Variants in PDIA4 observed in about 807,000 individuals in gnomAD.
PDIA4 encodes protein disulfide isomerase family A member 4, also known as protein disulfide-isomerase A4.
PDIA4 carries 33 observed loss-of-function variants against 62.1 expected under a neutral mutation model. The ratio of observed to expected loss-of-function variants is 0.53; its 90% CI spans 0.40 to 0.71. The LOEUF (loss-of-function observed/expected upper bound fraction) is 0.71, where lower values mean the gene tolerates loss of function less well. PDIA4 is among the 30% of genes least tolerant of loss of function. PDIA4 has a pLI of 0.00. For missense variants in PDIA4, 804 were observed against 813.6 expected, an observed-to-expected ratio of 0.99 and a Z score of 0.14; for synonymous variants, 341 against 324.1, an observed-to-expected ratio of 1.05 and a Z score of -0.56.
intron 6 of PDIA4, among the ~76,000 whole-genome samples, chr7:149,010,007 G>A (rs1823891168): frequency 1.3e-5 from 2 of 152,226 alleles, no homozygotes; most frequent in South Asian, 4.1e-4. Flanking sequence ...ACATGTGGCT[G>A]AGATGGTAAA....
chr7:149,018,667 A>G (rs1824230439), intron 3 of PDIA4, among the ~76,000 whole-genome samples: 1 of 152,088 alleles, frequency 6.6e-6, no homozygotes, highest in Non-Finnish European at 1.5e-5. Context: ...CCTGACCTAA[A>G]GTGATCCAGC....
In PDIA4 at chr7:149,003,862, G is replaced by A; in HGVS notation, c.1870C>T (p.Leu624=). Residue 624 remains leucine (L), a synonymous_variant, in exon 10 of 10, where the codon CTG becomes TTG. Transcript: ENST00000652332. ...TCTATAAACTTGCTCAAATGCTCCAGATCTCTGTCTCCACCCTCAAATTTA... is the reference window on the plus strand; with the variant it reads ...TCTATAAACTTGCTCAAATGCTCCAAATCTCTGTCTCCACCCTCAAATTTA... ...PVKFEGGDRD[L]EHLSKFIEEH... 6.2e-7 allele frequency: 1 copy of A among 1,610,044 alleles called. No homozygotes were observed. Among genetic ancestry groups the A allele is most frequent in the Middle Eastern group, 1.7e-4 (1 of 6,032 alleles).
At position 149,003,732 on chromosome 7, in the gene PDIA4, CGCCCCGACCAT is replaced by C; in HGVS notation, c.*51_*61del. The C allele has an allele frequency of 1.5e-6, 2 of 1,327,370 alleles. No homozygotes were observed. The highest frequency in any genetic ancestry group is 3.0e-5 in the African/African-American group (2 of 66,296). The allele number at this position is 1,327,370 out of a possible 1,614,324, so 82.2% of individuals were successfully genotyped here. A position where few individuals can be genotyped will look rare whatever the true frequency, so the allele number is the denominator to read the frequency against. Reference sequence around the variant, plus strand: ...CGTTTGTTGCCGGCCTCGGCGTGGACGCCCCGACCATGGGCCACGCAGGGCGTCTGCCTCCT... The same window carrying C: ...CGTTTGTTGCCGGCCTCGGCGTGGACGGGCCACGCAGGGCGTCTGCCTCCT... On this transcript the variant is annotated 3_prime_UTR_variant, in exon 10 of 10. Transcript: ENST00000652332.
rs146862320 is a variant in PDIA4 at position 149,003,077 on chromosome 7, G to A, written c.*717C>T. 407 of 169,424 alleles carry A rather than the reference G, an allele frequency of 2.4e-3. 2 individuals are homozygous for A. Among genetic ancestry groups the A allele is most frequent in the African/African-American group, 8.9e-3 (372 of 41,666 alleles). The allele number at this position is 169,424 out of a possible 1,614,324, so 10.5% of individuals were successfully genotyped here. ...AACGCAGTTCTTAACGTTTTTAATC[G>A]TGTTTTATTCCATTGCCACAGCCTA... On this transcript the variant is annotated 3_prime_UTR_variant, in exon 10 of 10. Coordinates refer to ENST00000652332, the MANE Select transcript of PDIA4 (RefSeq NM_004911.5).
intron 6 of PDIA4, among the ~76,000 whole-genome samples, chr7:149,010,527 TG>T (rs1455334364): frequency 6.6e-6 from 1 of 152,128 alleles, no homozygotes; most frequent in East Asian, 1.9e-4. Context: ...GCTATCTAGA[TG>T]GCGCCTGTTT....
chr7:149,012,332 C>CG lies in PDIA4; in HGVS notation c.642dup (p.Glu215ArgfsTer3), dbSNP rs1563121090. ...AGCTCCTTGGCGGCCTTCTCATACT[C>CG]GGGGGCAAGTTTCTTGCAGTGTCCA... is the stretch of plus-strand genomic sequence containing the variant. On this transcript the variant is annotated frameshift_variant, in exon 5 of 10. Coordinates refer to ENST00000652332, the MANE Select transcript of PDIA4 (RefSeq NM_004911.5). LOFTEE classifies it high-confidence loss of function. 1.2e-6 allele frequency: 2 copies of CG among 1,613,580 alleles called. No individual in the cohort carries two copies. Among genetic ancestry groups the CG allele is most frequent in the Non-Finnish European group, 1.7e-6 (2 of 1,180,004 alleles).
At chr7:149,014,513 TCTGA>T (rs1464346241) in intron 4 of PDIA4, among the ~76,000 whole-genome samples, 1 of 152,086 alleles carries the variant, frequency 6.6e-6, no homozygotes, top group Non-Finnish European at 1.5e-5. Context: ...TGCTCTCTAC[TCTGA>T]CTGCTGCCAG....
At chr7:149,009,727 G>A (rs1006881939) in intron 6 of PDIA4, among the ~76,000 whole-genome samples, 2 of 152,230 alleles carry the variant, frequency 1.3e-5, no homozygotes, top group South Asian at 4.1e-4. Flanking sequence ...GCTGCAGTGT[G>A]AAAGCAGCTG....
At chr7:149,025,487 G>A (rs1824518517) in intron 1 of PDIA4, among the ~76,000 whole-genome samples, 1 of 152,172 alleles carries the variant, frequency 6.6e-6, no homozygotes, top group Non-Finnish European at 1.5e-5. Flanking sequence ...CATGATAGCT[G>A]GTATTTATTG....
At chr7:149,014,666 C>T (rs947492476) in intron 4 of PDIA4, among the ~76,000 whole-genome samples, 9 of 152,178 alleles carry the variant, frequency 5.9e-5, no homozygotes, top group African/African-American at 9.7e-5. Flanking sequence ...CATCTTCTTT[C>T]CTTTGGGTCC....
intron 1 of PDIA4, among the ~76,000 whole-genome samples, chr7:149,023,130 G>A (rs1018166714): frequency 6.6e-6 from 1 of 152,154 alleles, no homozygotes; most frequent in African/African-American, 2.4e-5. Flanking sequence ...GCAGAACACA[G>A]AGAAAGACAG....
chr7:149,008,728 G>A (rs1444990055), intron 6 of PDIA4, among the ~76,000 whole-genome samples: 3 of 139,750 alleles, frequency 2.1e-5, no homozygotes, highest in African/African-American at 3.2e-5. Flanking sequence ...AAAAAAAAAA[G>A]AAAAAGAAAA....
At chr7:149,020,569 G>A (rs951312022) in intron 2 of PDIA4, among the ~76,000 whole-genome samples, 3 of 152,218 alleles carry the variant, frequency 2.0e-5, no homozygotes, top group African/African-American at 7.2e-5. Flanking sequence ...TGGGGCAGCT[G>A]CCTGAGCAAC....
At chr7:149,021,275 G>A (rs56277925) in intron 1 of PDIA4, 128 bp from the exon 2 acceptor site, 1 of 846,344 alleles carries the variant, frequency 1.2e-6, no homozygotes, top group Non-Finnish European at 1.8e-6. Context: ...CGGATCACGA[G>A]GTCAGGAGTT....
chr7:149,012,927 G>A (rs1393231765), intron 4 of PDIA4, among the ~76,000 whole-genome samples: 2 of 152,026 alleles, frequency 1.3e-5, no homozygotes, highest in Admixed American at 1.3e-4. Context: ...GTCCCTTGGA[G>A]TCAGTATTGC....
At chr7:149,014,214 A>C (rs1382528759) in intron 4 of PDIA4, among the ~76,000 whole-genome samples, 3 of 151,824 alleles carry the variant, frequency 2.0e-5, no homozygotes, top group Admixed American at 6.6e-5. Flanking sequence ...AGAAGGTGCC[A>C]CCCACCCCCC....
At chr7:149,011,064 G>A (rs562172759) in intron 6 of PDIA4, among the ~76,000 whole-genome samples, 1 of 152,334 alleles carries the variant, frequency 6.6e-6, no homozygotes, top group East Asian at 1.9e-4. Context: ...ATCTGCATTT[G>A]ACTTATGCAC....
chr7:149,027,349 C>T (rs1824593039), intron 1 of PDIA4, among the ~76,000 whole-genome samples: 1 of 152,180 alleles, frequency 6.6e-6, no homozygotes, highest in Admixed American at 6.5e-5. Context: ...TGGGCAAAGA[C>T]TCTTTTTGAA....
At chr7:149,018,878 A>G in intron 3 of PDIA4, 114 bp downstream of exon 3, 1 of 392,028 alleles carries the variant, frequency 2.6e-6, no homozygotes, top group Non-Finnish European at 4.9e-6. Flanking sequence ...CCAGAGGGCT[A>G]AGGTTCCTGA....
Sources: allele counts gnomAD v4.1 joint callset (sites outside exome capture counted in the v4.1 genomes callset), GRCh38; gene constraint gnomAD v4.1.1; transcripts MANE v1.5; gene names NCBI Gene and HGNC (gene_info 2026-07-23, HGNC 2026-07-21).